CNTN6: variants seen among roughly 807,000 people sequenced by gnomAD.
The protein encoded by CNTN6 is contactin-6.
CNTN6 carries 137 observed loss-of-function variants against 122.8 expected under a neutral mutation model. The observed-to-expected ratio is 1.12, with a 90% confidence interval of 0.97 to 1.29. The LOEUF is 1.29. CNTN6 is among the 50% of genes most tolerant of loss of function. The probability of loss-of-function intolerance (pLI) is 0.00; values close to 1 mark genes in which losing one functional copy is unlikely to be tolerated. For missense variants in CNTN6, 1,634 were observed against 1,223.4 expected (o/e 1.34, Z -5.01); for synonymous variants, 570 against 426.0 (o/e 1.34, Z -4.16).
intron 5 of CNTN6, among the ~76,000 whole-genome samples, chr3:1,282,511 G>A (rs1693644861): frequency 1.3e-5 from 2 of 152,186 alleles, no homozygotes; most frequent in African/African-American, 4.8e-5. Flanking sequence ...TCCCCAATCA[G>A]AGATGGGTTT....
At chr3:1,096,194 A>G (rs1329566792) in intron 1 of CNTN6, among the ~76,000 whole-genome samples, 5 of 152,008 alleles carry the variant, frequency 3.3e-5, no homozygotes, top group Admixed American at 1.3e-4. Context: ...TCTGTCTGCA[A>G]TTTCCGTCAT....
intron 1 of CNTN6, among the ~76,000 whole-genome samples, chr3:1,146,320 A>G (rs2092721926): frequency 6.6e-6 from 1 of 152,016 alleles, no homozygotes; most frequent in Non-Finnish European, 1.5e-5. Context: ...ACTTTCTCAT[A>G]TCTTTGAACA....
intron 2 of CNTN6, among the ~76,000 whole-genome samples, chr3:1,170,732 T>C (rs530906070): frequency 2.8e-4 from 43 of 152,322 alleles, no homozygotes; most frequent in African/African-American, 9.6e-4. Context: ...CCCTTGTTTC[T>C]TCCTTATAAA....
intron 12 of CNTN6, among the ~76,000 whole-genome samples, chr3:1,365,697 C>T (rs1434738771): frequency 6.6e-6 from 1 of 151,964 alleles, no homozygotes; most frequent in East Asian, 1.9e-4. Flanking sequence ...ATGACAAAAA[C>T]CGCAATTACT....
chr3:1,229,992 T>C (rs190685224), intron 4 of CNTN6, among the ~76,000 whole-genome samples: 5 of 152,270 alleles, frequency 3.3e-5, no homozygotes, highest in African/African-American at 1.2e-4. Flanking sequence ...GAAATATTTC[T>C]CATTGTATCC....
At chr3:1,289,559 C>A (rs1192413235) in intron 5 of CNTN6, among the ~76,000 whole-genome samples, 2 of 152,176 alleles carry the variant, frequency 1.3e-5, no homozygotes, top group Non-Finnish European at 2.9e-5. Flanking sequence ...CTCCAACACA[C>A]CACTCAAACG....
chr3:1,353,955 G>T (rs75750440), intron 12 of CNTN6, among the ~76,000 whole-genome samples: 2,088 of 151,508 alleles, frequency 0.014, 56 homozygotes, highest in African/African-American at 0.048. Flanking sequence ...GAGGGCCAAT[G>T]GTTTTGCTGT....
At chr3:1,118,273 T>A (rs2091808995) in intron 1 of CNTN6, among the ~76,000 whole-genome samples, 1 of 152,080 alleles carries the variant, frequency 6.6e-6, no homozygotes, top group South Asian at 2.1e-4. Flanking sequence ...TGAACACGTG[T>A]GGTGAGGAGC....
Position 1,373,746 on chromosome 3 carries a change from G to C in CNTN6, c.1929G>C (p.Trp643Cys). 1 of 1,608,184 alleles carries C rather than the reference G, an allele frequency of 6.2e-7. No individual in the cohort carries two copies. The highest frequency in any genetic ancestry group is 1.3e-5 in the African/African-American group (1 of 74,852). Residue 643 changes from tryptophan (W) to cysteine (C), a missense_variant, in exon 15 of 23, where the codon TGG (tryptophan) becomes TGC (cysteine). Transcript: ENST00000446702. ...IQTRTPFSVG[W>C]QAVATVPEIL... ...CTCGGACACCATTTTCTGTGGGTTG[G>C]CAGGCTGTTGCTACAGGTGAGTGAC... is the stretch of plus-strand genomic sequence containing the variant.
intron 1 of CNTN6, among the ~76,000 whole-genome samples, chr3:1,103,422 G>A (rs561743591): frequency 1.3e-5 from 2 of 152,256 alleles, no homozygotes; most frequent in African/African-American, 4.8e-5. Flanking sequence ...GTCCCTTTGT[G>A]CAGACTGTGC....
intron 2 of CNTN6, among the ~76,000 whole-genome samples, chr3:1,159,572 G>T (rs997673557): frequency 1.3e-5 from 2 of 151,356 alleles, no homozygotes; most frequent in African/African-American, 4.9e-5. Context: ...ATTATATATA[G>T]AATTTTTTTT....
intron 20 of CNTN6, 118 bp downstream of exon 20, chr3:1,385,915 G>T (rs758386192): frequency 5.0e-6 from 5 of 1,008,074 alleles, no homozygotes; most frequent in East Asian, 5.3e-5. Flanking sequence ...ACTTTGGTTA[G>T]TTGGTTTGTC....
At chr3:1,107,283 A>G (rs2091271754) in intron 1 of CNTN6, among the ~76,000 whole-genome samples, 1 of 152,158 alleles carries the variant, frequency 6.6e-6, no homozygotes, top group South Asian at 2.1e-4. Flanking sequence ...ATCATAAAAT[A>G]TGTCATATGG....
chr3:1,386,007 ATATTCCAAG>A (rs1185705088), intron 20 of CNTN6, among the ~76,000 whole-genome samples: 2 of 152,224 alleles, frequency 1.3e-5, no homozygotes, highest in Admixed American at 6.5e-5. Flanking sequence ...CAAAAGAGGA[ATATTCCAAG>A]TATATCGATG....
At chr3:1,376,678 G>C (rs532654847) in intron 16 of CNTN6, among the ~76,000 whole-genome samples, 1 of 152,022 alleles carries the variant, frequency 6.6e-6, no homozygotes, top group Admixed American at 6.6e-5. Flanking sequence ...TGTATAATTA[G>C]GCACTAAATC....
intron 3 of CNTN6, among the ~76,000 whole-genome samples, chr3:1,224,131 C>A (rs1458353195): frequency 6.6e-6 from 1 of 152,068 alleles, no homozygotes; most frequent in East Asian, 1.9e-4. Context: ...TGGGGATGGG[C>A]TCAGAAATAA....
chr3:1,352,629 A>G (rs1035288849), intron 12 of CNTN6, among the ~76,000 whole-genome samples, 178 bp downstream of exon 12: 1 of 151,830 alleles, frequency 6.6e-6, no homozygotes, highest in Non-Finnish European at 1.5e-5. Context: ...CCAGTGGGAT[A>G]CCATGGTAGA....
In CNTN6 at chr3:1,245,222, A is replaced by G. The variant is rs1575398606; in HGVS notation, c.358+17229A>G. Among the ~76,000 whole-genome samples, 6 of 19,862 alleles carry G rather than the reference A, an allele frequency of 3.0e-4. 1 individual carries two copies. Among genetic ancestry groups the G allele is most frequent in the African/African-American group, 1.6e-3 (5 of 3,174 alleles). 13.0% of individuals were successfully genotyped at this position (19,862 alleles called of 152,430 possible). On this transcript the variant is annotated intron_variant, in intron 4 of 22. Transcript: ENST00000446702. ...GATATATATATATATATATATATAT[A>G]TATATATATATATACACACACACAT...
chr3:1,302,839 A>T (rs1195136068), intron 7 of CNTN6, among the ~76,000 whole-genome samples: 1 of 152,056 alleles, frequency 6.6e-6, no homozygotes, highest in Non-Finnish European at 1.5e-5. Context: ...TGATTACTTC[A>T]AACATTTATT....
Sources: gnomAD v4.1 joint callset for allele counts (sites outside exome capture counted in the v4.1 genomes callset) on GRCh38, gnomAD v4.1.1 for gene constraint, MANE v1.5 for transcripts, NCBI Gene and HGNC (gene_info 2026-07-23, HGNC 2026-07-21) for gene names.